The following PRKAR1A variants were observed in gnomAD, a reference collection of about 807,000 sequenced individuals.
The protein encoded by PRKAR1A is protein kinase cAMP-dependent type I regulatory subunit alpha, also known as cAMP-dependent protein kinase type I-alpha regulatory subunit.
Under a neutral mutation model 52.0 loss-of-function variants are expected in PRKAR1A, and 3 were observed. That is an observed-to-expected ratio of 0.06 (90% confidence interval 0.03 to 0.15). The LOEUF is 0.15. Ranked by LOEUF, PRKAR1A falls within the 10% of genes least tolerant of loss-of-function variation. The pLI is 1.00. For synonymous variants in PRKAR1A, 188 were observed against 168.4 expected (o/e 1.12, Z -0.90); for missense variants, 240 against 477.4 (o/e 0.50, Z 4.63).
At chr17:68,470,726 T>G in the PRKAR1A span, among the ~76,000 whole-genome samples, 8 of 152,322 alleles carry the variant, frequency 5.3e-5, no homozygotes, top group Admixed American at 2.6e-4. Context: ...ACATGTGCCT[T>G]TGTGAAGCAT....
chr17:68,461,871 TCG>T, the PRKAR1A span, among the ~76,000 whole-genome samples: 3 of 151,946 alleles, frequency 2.0e-5, no homozygotes, highest in Admixed American at 2.0e-4. The surrounding 1 kb of genome is among the most constrained non-coding windows in gnomAD (Gnocchi z 4.6). Flanking sequence ...AAGGAGATGA[TCG>T]AACTGATTGG....
At chr17:68,526,406 G>A (rs2085793174) in intron 7 of PRKAR1A, among the ~76,000 whole-genome samples, 1 of 152,182 alleles carries the variant, frequency 6.6e-6, no homozygotes, top group Admixed American at 6.5e-5. Context: ...TCTGGTGATA[G>A]TCAGATTTTT....
At chr17:68,435,554 A>G in the PRKAR1A span, 6 of 1,503,008 alleles carry the variant, frequency 4.0e-6, no homozygotes, top group Non-Finnish European at 4.6e-6. Flanking sequence ...GTTCAATCCC[A>G]TCCCTGCGCA....
intron 11 of PRKAR1A, among the ~76,000 whole-genome samples, chr17:68,547,389 C>T (rs940640093): frequency 8.5e-5 from 13 of 152,230 alleles, no homozygotes; most frequent in African/African-American, 1.2e-4. Context: ...GACTTTTCTT[C>T]TCTAGCTATG....
chr17:68,495,694 G>GC, the PRKAR1A span, among the ~76,000 whole-genome samples: 2 of 151,948 alleles, frequency 1.3e-5, no homozygotes, highest in Non-Finnish European at 2.9e-5. Flanking sequence ...ACTTATCTGT[G>GC]TATTAGTTTC....
At chr17:68,515,325 C>T (rs1238085124) in intron 1 of PRKAR1A, 69 bp from the exon 2 acceptor site, 6 of 1,560,576 alleles carry the variant, frequency 3.8e-6, no homozygotes, top group Non-Finnish European at 5.2e-6. Context: ...ATGAATTTAG[C>T]AAGTTAAATG....
chr17:68,540,079 T>A, intron 11 of PRKAR1A: 1 of 831,544 alleles, frequency 1.2e-6, no homozygotes, highest in African/African-American at 1.7e-5. Flanking sequence ...GACAGGGGTG[T>A]GAACGAAGCT....
At chr17:68,472,614 C>G in the PRKAR1A span, among the ~76,000 whole-genome samples, 1 of 152,076 alleles carries the variant, frequency 6.6e-6, no homozygotes, top group South Asian at 2.1e-4. Context: ...TCACACTTAA[C>G]TTACAAGTTG....
At chr17:68,468,052 T>C in the PRKAR1A span, among the ~76,000 whole-genome samples, 4 of 152,240 alleles carry the variant, frequency 2.6e-5, no homozygotes, top group South Asian at 8.3e-4. Context: ...CATACTACCA[T>C]GCCCAACTAA....
At chr17:68,519,616 C>T (rs1033063420) in intron 2 of PRKAR1A, among the ~76,000 whole-genome samples, 1 of 152,176 alleles carries the variant, frequency 6.6e-6, no homozygotes, top group Non-Finnish European at 1.5e-5. Context: ...TTCTCATCAC[C>T]TTCTTCGTCA....
chr17:68,450,931 T>C, the PRKAR1A span: 3 of 1,596,828 alleles, frequency 1.9e-6, no homozygotes, highest in Non-Finnish European at 2.6e-6. Flanking sequence ...GTTACATGGA[T>C]TGATCACTTC....
At chr17:68,446,014 G>C in the PRKAR1A span, among the ~76,000 whole-genome samples, 2 of 152,146 alleles carry the variant, frequency 1.3e-5, no homozygotes, top group African/African-American at 2.4e-5. Flanking sequence ...TTTTATTCCA[G>C]GGAACATCAG....
At chr17:68,453,670 G>A in the PRKAR1A span, among the ~76,000 whole-genome samples, 1 of 151,902 alleles carries the variant, frequency 6.6e-6, no homozygotes, top group Non-Finnish European at 1.5e-5. Flanking sequence ...GTAGAGACAG[G>A]GTTTCACCAT....
the PRKAR1A span, among the ~76,000 whole-genome samples, chr17:68,442,944 A>C: frequency 6.6e-6 from 1 of 152,320 alleles, no homozygotes; most frequent in Non-Finnish European, 1.5e-5. Context: ...TGCAATAGAT[A>C]CTTGTCCAGA....
chr17:68,460,294 G>C, the PRKAR1A span, among the ~76,000 whole-genome samples: 19 of 152,318 alleles, frequency 1.2e-4, 2 homozygotes, highest in African/African-American at 1.7e-4. Context: ...GATGGGGAAG[G>C]GGGAGGGGCA....
intron 8 of PRKAR1A, 110 bp downstream of exon 8, chr17:68,528,010 G>GA (rs1482188229): frequency 2.1e-6 from 2 of 947,468 alleles, no homozygotes; most frequent in African/African-American, 3.3e-5. Context: ...CATTCCCCCT[G>GA]AAAAGACAGA....
chr17:68,459,244 C>G, the PRKAR1A span, among the ~76,000 whole-genome samples: 4 of 152,202 alleles, frequency 2.6e-5, no homozygotes, highest in African/African-American at 7.2e-5. Flanking sequence ...GTGCTTCCCC[C>G]CACCTTCCAG....
the PRKAR1A span, chr17:68,420,065 C>T: frequency 1.8e-6 from 2 of 1,090,438 alleles, no homozygotes; most frequent in South Asian, 3.0e-5. Context: ...CAGAGAGAGC[C>T]ATCATTGGAA....
At chr17:68,438,411 T>G in the PRKAR1A span, among the ~76,000 whole-genome samples, 1 of 152,208 alleles carries the variant, frequency 6.6e-6, no homozygotes, top group African/African-American at 2.4e-5. Flanking sequence ...CAGAAGGGAT[T>G]CTAGTCTTGT....
Sources: allele counts gnomAD v4.1 joint callset (sites outside exome capture counted in the v4.1 genomes callset), GRCh38; gene constraint gnomAD v4.1.1; non-coding constraint Gnocchi (gnomAD v3.1); transcripts MANE v1.5; gene names NCBI Gene and HGNC (gene_info 2026-07-23, HGNC 2026-07-21).